The following HTR2A variants were observed in gnomAD, a reference collection of about 807,000 sequenced individuals.
HTR2A encodes 5-hydroxytryptamine receptor 2A, also known as 5-HT2 receptor.
HTR2A carries 14 observed loss-of-function variants against 31.0 expected under a neutral mutation model. The ratio of observed to expected loss-of-function variants is 0.45; its 90% CI spans 0.30 to 0.71. HTR2A has a LOEUF of 0.71. Among genes scored for constraint, HTR2A ranks in the 30% least tolerant of loss-of-function variants. The pLI is 0.09. For synonymous variants in HTR2A, 209 were observed against 225.2 expected, an observed-to-expected ratio of 0.93 and a Z score of 0.64; for missense variants, 442 against 573.3, an observed-to-expected ratio of 0.77 and a Z score of 2.34.
At chr13:46,861,431 A>T (rs1950777739) in intron 3 of HTR2A, among the ~76,000 whole-genome samples, 1 of 152,198 alleles carries the variant, frequency 6.6e-6, no homozygotes, top group African/African-American at 2.4e-5. Flanking sequence ...AAGAAACACC[A>T]ACCCAATTTC....
At chr13:46,883,373 T>C (rs1356857795) in intron 3 of HTR2A, among the ~76,000 whole-genome samples, 1 of 151,960 alleles carries the variant, frequency 6.6e-6, no homozygotes, top group Non-Finnish European at 1.5e-5. Flanking sequence ...AGAAAATACA[T>C]GATTATGTTT....
intron 3 of HTR2A, among the ~76,000 whole-genome samples, chr13:46,855,860 G>A (rs556875892): frequency 2.0e-5 from 3 of 151,844 alleles, no homozygotes; most frequent in South Asian, 2.1e-4. Flanking sequence ...GATGTGGGTG[G>A]GGTCCGCAAA....
chr13:46,895,117 A>G lies in HTR2A; in HGVS notation c.412+378T>C, dbSNP rs1271938863. On this transcript the variant is annotated intron_variant, in intron 2 of 3. Coordinates refer to ENST00000542664, the MANE Select transcript of HTR2A (RefSeq NM_000621.5). The surrounding 1 kb of genome is among the most constrained non-coding windows in gnomAD (Gnocchi z 4.4). ...CTGAAGGCTGGAATATTGGTTGGGA[A>G]TATAAAGAAGCAAAAATCAAGTAGA... Among the ~76,000 whole-genome samples, 1 of 152,262 alleles carries G rather than the reference A, an allele frequency of 6.6e-6. No individual in the cohort carries two copies. Among genetic ancestry groups the G allele is most frequent in the Admixed American group, 6.5e-5 (1 of 15,288 alleles).
chr13:46,896,645 C>A, intron 1 of HTR2A, 29 bp downstream of exon 1: 2 of 1,472,334 alleles, frequency 1.4e-6, no homozygotes, highest in Non-Finnish European at 1.8e-6. Flanking sequence ...AATTACACAG[C>A]AATAAAATAT....
chr13:46,885,065 A>G (rs1034788601), intron 3 of HTR2A, among the ~76,000 whole-genome samples: 1 of 152,030 alleles, frequency 6.6e-6, no homozygotes, highest in Non-Finnish European at 1.5e-5. Flanking sequence ...TTTTTCCTGT[A>G]TATGCGTACC....
At chr13:46,884,940 A>G (rs980613915) in intron 3 of HTR2A, among the ~76,000 whole-genome samples, 3 of 152,100 alleles carry the variant, frequency 2.0e-5, no homozygotes, top group African/African-American at 7.2e-5. Context: ...CATTATGAAC[A>G]TTCCTTCACT....
At chr13:46,891,599 G>A (rs978843752) in intron 3 of HTR2A, among the ~76,000 whole-genome samples, 3 of 152,194 alleles carry the variant, frequency 2.0e-5, no homozygotes, top group African/African-American at 4.8e-5. Context: ...TGGCACTGGC[G>A]TGGCCATAAA....
chr13:46,842,543 C>A (rs370164051), intron 3 of HTR2A, among the ~76,000 whole-genome samples: 1 of 152,232 alleles, frequency 6.6e-6, no homozygotes, highest in East Asian at 1.9e-4. Context: ...TCCAGCCTCG[C>A]TTGTATGCAG....
intron 3 of HTR2A, among the ~76,000 whole-genome samples, chr13:46,840,990 G>T (rs1950593539): frequency 6.6e-6 from 1 of 152,076 alleles, no homozygotes; most frequent in African/African-American, 2.4e-5. Context: ...TCATGGGGAG[G>T]TTTCTCCCAT....
chr13:46,855,067 C>T (rs1034475814), intron 3 of HTR2A, among the ~76,000 whole-genome samples: 1 of 152,108 alleles, frequency 6.6e-6, no homozygotes, highest in African/African-American at 2.4e-5. Flanking sequence ...ACTAATGTCC[C>T]CCCAGAGCTA....
intron 3 of HTR2A, among the ~76,000 whole-genome samples, chr13:46,883,591 C>T (rs1156324916): frequency 3.3e-5 from 5 of 152,156 alleles, no homozygotes; most frequent in Non-Finnish European, 7.3e-5. Context: ...AAAGTAGCTT[C>T]TATTTTCTCT....
chr13:46,875,423 AG>A (rs1162119222), intron 3 of HTR2A, among the ~76,000 whole-genome samples: 1 of 152,208 alleles, frequency 6.6e-6, no homozygotes, highest in Admixed American at 6.5e-5. Context: ...TTGAGCAAAA[AG>A]GTTTTGTTCA....
intron 3 of HTR2A, among the ~76,000 whole-genome samples, chr13:46,869,952 G>A (rs777674831): frequency 3.9e-5 from 6 of 152,020 alleles, no homozygotes; most frequent in Non-Finnish European, 5.9e-5. Context: ...TTGTGAAGGC[G>A]AAAAAATTTG....
chr13:46,893,892 A>G (rs1191444934), intron 2 of HTR2A, among the ~76,000 whole-genome samples: 1 of 152,238 alleles, frequency 6.6e-6, no homozygotes, highest in African/African-American at 2.4e-5. Flanking sequence ...AAATGCCACA[A>G]GGGATATTTA....
chr13:46,886,082 C>A (rs943141734), intron 3 of HTR2A, among the ~76,000 whole-genome samples: 6 of 152,128 alleles, frequency 3.9e-5, no homozygotes, highest in Admixed American at 6.5e-5. Flanking sequence ...TGTATATATT[C>A]TTCTTTATGG....
chr13:46,854,317 A>G (rs879224372), intron 3 of HTR2A: 1 of 152,262 alleles, frequency 6.6e-6, no homozygotes. Flanking sequence ...ACTGGAGTTG[A>G]CAGGAGGATC....
chr13:46,890,329 G>A (rs1951042635), intron 3 of HTR2A, among the ~76,000 whole-genome samples: 2 of 152,204 alleles, frequency 1.3e-5, no homozygotes. Context: ...GGCAACAAGA[G>A]CGAAACTTCA....
chr13:46,886,075 A>G (rs1951004121), intron 3 of HTR2A, among the ~76,000 whole-genome samples: 1 of 152,134 alleles, frequency 6.6e-6, no homozygotes, highest in Non-Finnish European at 1.5e-5. Context: ...CTGTTTATGT[A>G]TATATTCTTC....
chr13:46,833,038 G>GA lies in HTR2A; in HGVS notation c.*1798dup, dbSNP rs1876303080. On this transcript the variant is annotated 3_prime_UTR_variant, in exon 4 of 4. Coordinates refer to ENST00000542664, the MANE Select transcript of HTR2A (RefSeq NM_000621.5). ...TTCTATTAGGGAGCCCAGTGTCAAT[G>GA]AGTAATACTGAAATGAGTGAGTTTT... 1 of 152,146 alleles carries GA rather than the reference G, an allele frequency of 6.6e-6. No homozygotes were observed. Among genetic ancestry groups the GA allele is most frequent in the South Asian group, 2.1e-4 (1 of 4,822 alleles). 9.4% of individuals were successfully genotyped at this position (152,146 alleles called of 1,614,324 possible).
Sources: gnomAD v4.1 joint callset for allele counts (sites outside exome capture counted in the v4.1 genomes callset) on GRCh38, gnomAD v4.1.1 for gene constraint, Gnocchi (gnomAD v3.1) non-coding constraint, MANE v1.5 for transcripts, NCBI Gene and HGNC (gene_info 2026-07-23, HGNC 2026-07-21) for gene names.